Variants in EXOC1 observed in about 807,000 individuals in gnomAD.
EXOC1 encodes the protein SEC3-like 1.
A neutral mutation model predicts 107.7 loss-of-function variants in EXOC1; 67 were observed. That is an observed-to-expected ratio of 0.62 (90% confidence interval 0.51 to 0.76). EXOC1 has a LOEUF of 0.76. Ranked by LOEUF, EXOC1 falls within the 30% of genes least tolerant of loss-of-function variation. The pLI, the probability that EXOC1 is intolerant of heterozygous loss-of-function variation, is 0.00. For missense variants in EXOC1, 833 were observed against 1,055.7 expected (o/e 0.79, Z 2.92); for synonymous variants, 348 against 353.5 (o/e 0.98, Z 0.17).
chr4:55,885,387 T>G (rs1560350564), intron 10 of EXOC1, among the ~76,000 whole-genome samples: 1 of 152,180 alleles, frequency 6.6e-6, no homozygotes, highest in East Asian at 1.9e-4. Flanking sequence ...CTTAATGTTA[T>G]CATTGCATTA....
In EXOC1 at chr4:55,871,216, A is replaced by G. The variant is rs772125627; in HGVS notation, c.947A>G (p.Asn316Ser). Residue 316 changes from asparagine (N) to serine (S), a missense_variant, in exon 7 of 19, where the codon AAT becomes AGT. Physicochemically the swap from Asn to Ser is conservative, Grantham distance 46. Coordinates refer to ENST00000381295, the MANE Select transcript of EXOC1 (RefSeq NM_001024924.2). Reference sequence around the variant, plus strand: ...GCTGATGCCCTTCTGCAGTGCATGAATGTAGCTCTTCGACCAGGTATGTTC... The same window carrying G: ...GCTGATGCCCTTCTGCAGTGCATGAGTGTAGCTCTTCGACCAGGTATGTTC... ...NAADALLQCM[N>S]VALRPGHDLL... 1.2e-6 allele frequency: 2 copies of G among 1,613,146 alleles called. No homozygotes were observed. Among genetic ancestry groups the G allele is most frequent in the African/African-American group, 1.3e-5 (1 of 74,882 alleles).
intron 9 of EXOC1, among the ~76,000 whole-genome samples, chr4:55,881,403 A>G (rs1388845155): frequency 1.3e-5 from 2 of 152,092 alleles, no homozygotes; most frequent in African/African-American, 4.8e-5. Context: ...TATTGTTGTG[A>G]ACCCCAAATG....
At chr4:55,902,271 G>A (rs1726038778) in intron 17 of EXOC1, 73 bp from the exon 18 acceptor site, 2 of 1,195,250 alleles carry the variant, frequency 1.7e-6, no homozygotes, top group South Asian at 2.7e-5. Flanking sequence ...ACACTACTTT[G>A]TAATCAGATT....
At chr4:55,892,825 C>T in intron 14 of EXOC1, 114 bp downstream of exon 14, 2 of 893,582 alleles carry the variant, frequency 2.2e-6, no homozygotes, top group Non-Finnish European at 1.8e-6. Flanking sequence ...ACTCACAGTA[C>T]CAGCATGTGT....
chr4:55,876,625 G>T, intron 8 of EXOC1: 1 of 985,306 alleles, frequency 1.0e-6, no homozygotes, highest in African/African-American at 1.7e-5. Flanking sequence ...TGGTAGCTGT[G>T]AACTTCTGTT....
In EXOC1 at chr4:55,904,914, T is replaced by C. The variant is rs1726432817; in HGVS notation, c.*419T>C. ...AAAATTGTTTTTTCACACTAACAAATGTGTATATGGAGAAGAGGGCTCATG... is the reference window on the plus strand; with the variant it reads ...AAAATTGTTTTTTCACACTAACAAACGTGTATATGGAGAAGAGGGCTCATG... On this transcript the variant is annotated 3_prime_UTR_variant, in exon 19 of 19. Transcript: ENST00000381295. The C allele has an allele frequency of 6.5e-6, 1 of 153,758 alleles. No homozygotes were observed. Among genetic ancestry groups the C allele is most frequent in the Non-Finnish European group, 1.4e-5 (1 of 69,216 alleles). The allele number at this position is 153,758 out of a possible 1,614,324, so 9.5% of individuals were successfully genotyped here.
chr4:55,889,019 C>G, intron 11 of EXOC1, 87 bp downstream of exon 11: 1 of 1,411,370 alleles, frequency 7.1e-7, no homozygotes, highest in South Asian at 1.2e-5. Flanking sequence ...AAGGTAACAC[C>G]AAAAATTTTG....
intron 1 of EXOC1, among the ~76,000 whole-genome samples, chr4:55,855,144 A>T (rs78845123): frequency 0.015 from 2,303 of 152,294 alleles, 40 homozygotes; most frequent in African/African-American, 0.047. Context: ...ACATTAGGAA[A>T]ACGTTGAGTA....
rs770323004 is a variant in EXOC1, at chr4:55,878,019, G to A, written c.1177G>A (p.Glu393Lys). The A allele has an allele frequency of 1.9e-6, 3 of 1,613,784 alleles. No homozygotes were observed. In the South Asian group the frequency reaches 3.3e-5, roughly 18 times the overall value. ...TTTGCTCCGATATGCCAAGCTGATG[G>A]AGTGGCTAAAGAGTACAGATTATGG... ...RDLLRYAKLM[E>K]WLKSTDYGKY... Residue 393 changes from glutamate to lysine, a missense_variant, in exon 9 of 19, where the codon GAG (glutamate) becomes AAG (lysine). Physicochemically the swap from Glu to Lys is moderately conservative, Grantham distance 56 (BLOSUM62 1). Around this residue, in one of 2 missense-constraint regions of EXOC1, gnomAD observed 617 missense variants for 701.3 expected, o/e 0.88. Transcript: ENST00000381295.
chr4:55,871,302 G>A (rs1722417826), intron 7 of EXOC1, 69 bp downstream of exon 7: 1 of 1,534,104 alleles, frequency 6.5e-7, no homozygotes, highest in African/African-American at 1.4e-5. Flanking sequence ...TGTTATAAAG[G>A]TTTTGACAAG....
intron 9 of EXOC1, among the ~76,000 whole-genome samples, chr4:55,881,512 C>G (rs1395508727): frequency 6.6e-6 from 1 of 152,094 alleles, no homozygotes; most frequent in African/African-American, 2.4e-5. Flanking sequence ...GACATGTGCC[C>G]AAGGTGGTCC....
intron 9 of EXOC1, chr4:55,882,836 G>T (rs1452780129): frequency 6.6e-6 from 1 of 152,064 alleles, no homozygotes; most frequent in Non-Finnish European, 1.5e-5. Flanking sequence ...GGAAATTGAA[G>T]CTTAGATTTT....
intron 8 of EXOC1, among the ~76,000 whole-genome samples, chr4:55,874,111 G>A (rs1271308641): frequency 6.6e-6 from 1 of 152,106 alleles, no homozygotes; most frequent in Non-Finnish European, 1.5e-5. Flanking sequence ...AATTTAAGGA[G>A]TGAGATATGG....
rs990986779 is a variant in EXOC1 at position 55,871,741 on chromosome 4, A to G, written c.965-108A>G. 4.4e-6 allele frequency: 4 copies of G among 904,538 alleles called. No individual in the cohort carries two copies. In the African/African-American group the frequency reaches 6.7e-5, roughly 15 times the overall value. 56.0% of individuals were successfully genotyped at this position (904,538 alleles called of 1,614,324 possible). ...TTTTATCATGTAAATGAATACACCC[A>G]TAAAACTTTTGGGTTCTTCAAAACG... On this transcript the variant is annotated intron_variant, in intron 7 of 18. Coordinates refer to ENST00000381295, the MANE Select transcript of EXOC1 (RefSeq NM_001024924.2).
chr4:55,866,973 G>T (rs771961458), intron 4 of EXOC1: 1 of 787,092 alleles, frequency 1.3e-6, no homozygotes. Flanking sequence ...TATGTTTTAT[G>T]AAATGATGTA....
rs571099041 is a variant in EXOC1, at chr4:55,893,835, G to A, written c.1953+55G>A. 2.4e-5 allele frequency: 33 copies of A among 1,355,112 alleles called. No homozygotes were observed. In the South Asian group the frequency reaches 3.3e-4, roughly 14 times the overall value. The allele number at this position is 1,355,112 out of a possible 1,614,324, so 83.9% of individuals were successfully genotyped here. A position where few individuals can be genotyped will look rare whatever the true frequency, so the allele number is the denominator to read the frequency against. On this transcript the variant is annotated intron_variant, in intron 15 of 18. Coordinates refer to ENST00000381295, the MANE Select transcript of EXOC1 (RefSeq NM_001024924.2). ...AGCATCCTAGTCATTGCAAAATATAGGTAAATGTATTTAAAATCGAGGGAT... is the reference window on the plus strand; with the variant it reads ...AGCATCCTAGTCATTGCAAAATATAAGTAAATGTATTTAAAATCGAGGGAT...
rs143901814 is a variant in EXOC1, at chr4:55,896,604, C to T, written c.1954-113C>T. 17 of 787,588 alleles carry T rather than the reference C, an allele frequency of 2.2e-5. No homozygotes were observed. In the East Asian group the frequency reaches 5.4e-4, roughly 25 times the overall value. The allele number at this position is 787,588 out of a possible 1,614,324, so 48.8% of individuals were successfully genotyped here. A position where few individuals can be genotyped will look rare whatever the true frequency, so the allele number is the denominator to read the frequency against. On this transcript the variant is annotated intron_variant, in intron 15 of 18. Transcript: ENST00000381295. ...TTCTAGGTACCACATAATATCCTGC[C>T]TCTATGATATCTATGTATATATCTA...
chr4:55,857,897 A>T (rs1020506193), intron 1 of EXOC1, among the ~76,000 whole-genome samples: 5 of 152,192 alleles, frequency 3.3e-5, no homozygotes, highest in African/African-American at 1.2e-4. Flanking sequence ...GTGGCCAGTG[A>T]TGTTAAGCAT....
intron 2 of EXOC1, 148 bp downstream of exon 2, chr4:55,858,595 G>T: frequency 1.3e-6 from 1 of 762,136 alleles, no homozygotes; most frequent in Non-Finnish European, 1.9e-6. Flanking sequence ...GCTTTGACAG[G>T]CTGTTAATTG....
Sources: allele counts gnomAD v4.1 joint callset (sites outside exome capture counted in the v4.1 genomes callset), GRCh38; gene constraint gnomAD v4.1.1; regional missense constraint gnomAD v4.1.1; transcripts MANE v1.5; gene names NCBI Gene and HGNC (gene_info 2026-07-23, HGNC 2026-07-21).